The following NPR3 variants were observed in gnomAD, a reference collection of about 807,000 sequenced individuals.
NPR3 encodes natriuretic peptide receptor 3, also known as atrial natriuretic peptide receptor 3.
NPR3 carries 34 observed loss-of-function variants against 54.5 expected under a neutral mutation model. The observed-to-expected ratio is 0.62, with a 90% CI of 0.47 to 0.83. The LOEUF (loss-of-function observed/expected upper bound fraction) is 0.83, where lower values mean the gene tolerates loss of function less well. NPR3 is among the 40% of genes least tolerant of loss of function. NPR3 has a pLI of 0.00. For missense variants in NPR3, 674 were observed against 720.8 expected (o/e 0.94, Z 0.74); for synonymous variants, 289 against 297.1 (o/e 0.97, Z 0.28).
intron 3 of NPR3, among the ~76,000 whole-genome samples, chr5:32,742,315 TGCTTAA>T: frequency 6.6e-6 from 1 of 152,260 alleles, no homozygotes; most frequent in South Asian, 2.1e-4. Context: ...CTTTTAAGTA[TGCTTAA>T]TTGAAAGTGT....
chr5:32,701,041 C>T (rs1161623382), intron 1 of NPR3, among the ~76,000 whole-genome samples: 2 of 152,242 alleles, frequency 1.3e-5, no homozygotes, highest in Non-Finnish European at 2.9e-5. Flanking sequence ...TCTTTCTCCA[C>T]ATCCTCTCCA....
At chr5:32,710,688 G>T, upstream of NPR3, 1 of 1,544,106 alleles carries the variant, frequency 6.5e-7, no homozygotes, top group African/African-American at 1.4e-5. Context: ...CTGGGACCTT[G>T]GTCCTTGTTC....
intron 3 of NPR3, among the ~76,000 whole-genome samples, chr5:32,757,063 C>T (rs563766347): frequency 6.6e-6 from 1 of 152,252 alleles, no homozygotes; most frequent in South Asian, 2.1e-4. Context: ...GTTCTTTTGG[C>T]TTAGGATTGT....
chr5:32,784,847 T>C lies in NPR3; in HGVS notation c.1478T>C (p.Leu493Pro). The change falls in exon 7 of 8, where the codon CTA (leucine) becomes CCA (proline). Residue 493 changes from leucine to proline, a missense_variant. Coordinates refer to ENST00000265074, the MANE Select transcript of NPR3 (RefSeq NM_001204375.2). ...AVTGIVVGAL[L>P]GAGLLMAFYF... ...ACAGGAATTGTCGTGGGGGCTTTAC[T>C]AGGAGCTGGCTTGCTAATGGCCTTC... The C allele has an allele frequency of 2.5e-6, 4 of 1,613,902 alleles. No individual in the cohort carries two copies. The highest frequency in any genetic ancestry group is 3.4e-6 in the Non-Finnish European group (4 of 1,179,804).
intron 2 of NPR3, among the ~76,000 whole-genome samples, chr5:32,727,027 G>A (rs539204251): frequency 4.6e-5 from 7 of 152,182 alleles, no homozygotes; most frequent in Admixed American, 3.3e-4. Flanking sequence ...GTGTACATAC[G>A]CACATACACT....
intron 3 of NPR3, among the ~76,000 whole-genome samples, chr5:32,772,039 A>G (rs943471012): frequency 6.6e-6 from 1 of 152,230 alleles, no homozygotes; most frequent in Non-Finnish European, 1.5e-5. Flanking sequence ...GACTTTCTCA[A>G]GCCATAATGA....
chr5:32,781,090 T>G (rs751432), intron 5 of NPR3, among the ~76,000 whole-genome samples: 33,784 of 152,012 alleles, frequency 0.22, 3,866 homozygotes, highest in South Asian at 0.3. Flanking sequence ...AAGTGAAACT[T>G]TATTTCCTCC....
chr5:32,705,846 A>C (rs72740636), upstream of NPR3, among the ~76,000 whole-genome samples: 15,551 of 152,286 alleles, frequency 0.1, 875 homozygotes, highest in Admixed American at 0.18. Context: ...TTTCCAATGG[A>C]AAAATTAAAG....
intron 2 of NPR3, among the ~76,000 whole-genome samples, chr5:32,728,162 G>A (rs571337357): frequency 1.3e-5 from 2 of 152,246 alleles, no homozygotes; most frequent in Admixed American, 1.3e-4. Context: ...TCATGAGTGA[G>A]ATTCAAGAGC....
intron 4 of NPR3, among the ~76,000 whole-genome samples, chr5:32,776,389 A>C (rs1263593934): frequency 6.6e-6 from 1 of 152,222 alleles, no homozygotes; most frequent in African/African-American, 2.4e-5. Context: ...CCTCTTGCAC[A>C]TCTTGAAGAA....
chr5:32,692,285 A>G (rs781740012), intron 1 of NPR3, among the ~76,000 whole-genome samples: 2 of 152,244 alleles, frequency 1.3e-5, no homozygotes, highest in African/African-American at 2.4e-5. Context: ...AGGCATTTCC[A>G]TGTCATAACT....
Position 32,786,597 on chromosome 5 carries a change from A to G in NPR3, c.*252A>G. The G allele has an allele frequency of 2.3e-6, 1 of 440,722 alleles. No individual in the cohort carries two copies. The highest frequency in any genetic ancestry group is 3.2e-5 in the South Asian group (1 of 31,654). The allele number at this position is 440,722 out of a possible 1,614,324, so 27.3% of individuals were successfully genotyped here. ...CTCTGTTAAATGTTCATACTGTTTC[A>G]AGCCCATATGATTAGATTTATGTTT... On this transcript the variant is annotated 3_prime_UTR_variant, in exon 8 of 8. Coordinates refer to ENST00000265074, the MANE Select transcript of NPR3 (RefSeq NM_001204375.2).
At chr5:32,780,951 T>C (rs1742307759) in intron 5 of NPR3, 135 bp downstream of exon 5, 1 of 607,468 alleles carries the variant, frequency 1.6e-6, no homozygotes, top group South Asian at 2.0e-5. Flanking sequence ...CCTCAACTTT[T>C]GATTGAGGGT....
At chr5:32,728,423 A>AC (rs1739245079) in intron 2 of NPR3, among the ~76,000 whole-genome samples, 2 of 150,652 alleles carry the variant, frequency 1.3e-5, no homozygotes, top group African/African-American at 4.9e-5. Context: ...AGATCTTGCC[A>AC]CTGCACTCCA....
rs548089656 is a variant in NPR3, at chr5:32,786,515, A to G, written c.*170A>G. 1.1e-5 allele frequency: 7 copies of G among 615,696 alleles called. No homozygotes were observed. The highest frequency in any genetic ancestry group is 2.0e-5 in the Non-Finnish European group (7 of 348,460). The allele number at this position is 615,696 out of a possible 1,614,324, so 38.1% of individuals were successfully genotyped here. A position where few individuals can be genotyped will look rare whatever the true frequency, so the allele number is the denominator to read the frequency against. On this transcript the variant is annotated 3_prime_UTR_variant, in exon 8 of 8. Transcript: ENST00000265074. Reference sequence around the variant, plus strand: ...AGCTCAGGAATTATGATTAATCACCATCTGCCTCCAGGCCTTTCATCTCAT... The same window carrying G: ...AGCTCAGGAATTATGATTAATCACCGTCTGCCTCCAGGCCTTTCATCTCAT...
At chr5:32,729,611 A>G (rs1739352968) in intron 2 of NPR3, among the ~76,000 whole-genome samples, 1 of 152,230 alleles carries the variant, frequency 6.6e-6, no homozygotes, top group Admixed American at 6.5e-5. Flanking sequence ...CTACACACCT[A>G]TGCTACATGG....
rs199837555 is a variant in NPR3, at chr5:32,727,256, AG to A, written c.892+2437del. On this transcript the variant is annotated intron_variant, in intron 2 of 7. Transcript: ENST00000265074. ...ATCCTTCTACCTCAGCCTCCTGAGT[AG>A]CTGGGACTACAGGCATGTGCCACCA... Among the ~76,000 whole-genome samples, 688 of 152,186 alleles carry A rather than the reference AG, an allele frequency of 4.5e-3. 4 individuals are homozygous for A. Among genetic ancestry groups the A allele is most frequent in the African/African-American group, 0.016 (655 of 41,526 alleles).
upstream of NPR3, among the ~76,000 whole-genome samples, chr5:32,707,784 G>A (rs1738035025): frequency 6.6e-6 from 1 of 152,088 alleles, no homozygotes; most frequent in South Asian, 2.1e-4. Flanking sequence ...TGTTACAGTT[G>A]GTGGTGGAGA....
intron 1 of NPR3, among the ~76,000 whole-genome samples, chr5:32,697,536 G>T (rs568110311): frequency 1.3e-5 from 2 of 151,526 alleles, no homozygotes; most frequent in South Asian, 2.1e-4. Flanking sequence ...TTTCCTTCTC[G>T]ATTTTTCAGA....
Sources: gnomAD v4.1 joint callset for allele counts (sites outside exome capture counted in the v4.1 genomes callset) on GRCh38, gnomAD v4.1.1 for gene constraint, MANE v1.5 for transcripts, NCBI Gene and HGNC (gene_info 2026-07-23, HGNC 2026-07-21) for gene names.